Variants in TNIK observed in about 807,000 individuals in gnomAD.
TNIK encodes the protein TRAF2 and NCK-interacting protein kinase.
Under a neutral mutation model 191.3 loss-of-function variants are expected in TNIK, and 49 were observed. The ratio of observed to expected loss-of-function variants is 0.26; its 90% CI spans 0.20 to 0.32. The LOEUF (loss-of-function observed/expected upper bound fraction) is 0.32. TNIK is among the 10% of genes least tolerant of loss of function. The probability of loss-of-function intolerance (pLI) is 1.00; values close to 1 mark genes in which losing one functional copy is unlikely to be tolerated. For synonymous variants in TNIK, 594 were observed against 600.9 expected (o/e 0.99, Z 0.17); for missense variants, 1,155 against 1,702.3 (o/e 0.68, Z 5.66).
intron 5 of TNIK, among the ~76,000 whole-genome samples, chr3:171,192,832 G>T (rs760398456): frequency 6.6e-6 from 1 of 152,202 alleles, no homozygotes; most frequent in African/African-American, 2.4e-5. Context: ...GAAATCAGCA[G>T]CCAGGCCTCC....
At chr3:171,261,537 T>TGATG (rs377426086) in intron 2 of TNIK, among the ~76,000 whole-genome samples, 8 of 37,324 alleles carry the variant, frequency 2.1e-4, no homozygotes, top group African/African-American at 1.7e-3. Flanking sequence ...GATGGATGGA[T>TGATG]GATGGATGGA....
intron 2 of TNIK, among the ~76,000 whole-genome samples, chr3:171,346,565 T>C (rs369058971): frequency 2.3e-4 from 35 of 152,084 alleles, no homozygotes; most frequent in Admixed American, 1.2e-3. Context: ...GTCTGATAAA[T>C]ATATTATTCA....
chr3:171,326,394 A>T (rs1444558039), intron 2 of TNIK, among the ~76,000 whole-genome samples: 1 of 152,134 alleles, frequency 6.6e-6, no homozygotes, highest in Non-Finnish European at 1.5e-5. Context: ...ACCTAAAACG[A>T]CAGAAGCGTA....
At chr3:171,365,197 T>TTTTTTTTC (rs1224095923) in intron 2 of TNIK, among the ~76,000 whole-genome samples, 2 of 107,850 alleles carry the variant, frequency 1.9e-5, no homozygotes, top group South Asian at 7.2e-4. Context: ...TTTTTTTTTT[T>TTTTTTTTC]TTGAGACAGA....
At chr3:171,116,732 T>A (rs1726761040) in intron 18 of TNIK, among the ~76,000 whole-genome samples, 1 of 149,758 alleles carries the variant, frequency 6.7e-6, no homozygotes, top group African/African-American at 2.5e-5. Context: ...TTATTCAGAA[T>A]GTAATTGTTT....
At chr3:171,117,246 A>G (rs1726874523) in intron 18 of TNIK, among the ~76,000 whole-genome samples, 1 of 152,192 alleles carries the variant, frequency 6.6e-6, no homozygotes, top group Non-Finnish European at 1.5e-5. Context: ...TCAGTCAAGA[A>G]ATCAAGGGCT....
intron 6 of TNIK, 41 bp downstream of exon 6, chr3:171,190,656 C>G (rs1322323277): frequency 3.4e-6 from 5 of 1,462,538 alleles, no homozygotes; most frequent in Non-Finnish European, 4.7e-6. Context: ...ATAATCTCAT[C>G]ACTTCCTGCA....
intron 12 of TNIK, among the ~76,000 whole-genome samples, chr3:171,153,007 G>A (rs1045549310): frequency 6.6e-6 from 1 of 151,996 alleles, no homozygotes; most frequent in African/African-American, 2.4e-5. Context: ...TCCTGATCTC[G>A]TGATCCACCT....
intron 10 of TNIK, among the ~76,000 whole-genome samples, chr3:171,161,920 A>C (rs922376952): frequency 3.3e-5 from 5 of 152,134 alleles, no homozygotes; most frequent in African/African-American, 9.7e-5. Context: ...GCCCTGTCTC[A>C]AAATAATAAT....
intron 1 of TNIK, among the ~76,000 whole-genome samples, chr3:171,399,197 T>A (rs573901072): frequency 2.0e-5 from 3 of 152,342 alleles, no homozygotes; most frequent in African/African-American, 7.2e-5. Context: ...TTCTGAAGCA[T>A]ATGTGCTCAA....
At chr3:171,393,331 G>A (rs1396672040) in intron 1 of TNIK, among the ~76,000 whole-genome samples, 1 of 152,128 alleles carries the variant, frequency 6.6e-6, no homozygotes, top group Admixed American at 6.6e-5. Flanking sequence ...GCAAATATAG[G>A]GGGAAAACAG....
In TNIK at chr3:171,449,760, C is replaced by T. The variant is rs539271804; in HGVS notation, c.57+10247G>A. On this transcript the variant is annotated intron_variant, in intron 1 of 32. Transcript: ENST00000436636. Reference sequence around the variant, plus strand: ...TGACCATTGCTTTTACAATGAGAACCAGAAAAGCCTTTTAAAAATTAAACA... The same window carrying T: ...TGACCATTGCTTTTACAATGAGAACTAGAAAAGCCTTTTAAAAATTAAACA... 9.7e-3 allele frequency among the ~76,000 whole-genome samples: 1,474 copies of T among 151,516 alleles called. 24 individuals carry two copies. The highest frequency in any genetic ancestry group is 0.034 in the African/African-American group (1,383 of 41,252).
intron 18 of TNIK, 122 bp downstream of exon 18, chr3:171,123,474 G>T: frequency 1.4e-6 from 1 of 696,480 alleles, no homozygotes; most frequent in Non-Finnish European, 2.3e-6. Flanking sequence ...AACGTTTATA[G>T]TGCACATGGA....
rs185019832 is a variant in TNIK, at chr3:171,331,328, C to T, written c.123+38292G>A. 2.5e-4 allele frequency among the ~76,000 whole-genome samples: 38 copies of T among 152,282 alleles called. No homozygotes were observed. The East Asian group carries it at 6.6e-3, about 26-fold the overall frequency. On this transcript the variant is annotated intron_variant, in intron 2 of 32. Coordinates refer to ENST00000436636, the MANE Select transcript of TNIK (RefSeq NM_015028.4). ...TATGGCAAAGAGAGCCCTGTAAATA[C>T]CAGTTGCTGTCATTTCTTAATATTT...
At chr3:171,185,178 C>CGTGTGT (rs148499254) in intron 7 of TNIK, among the ~76,000 whole-genome samples, 1,915 of 145,952 alleles carry the variant, frequency 0.013, 28 homozygotes, top group Middle Eastern at 0.042. Flanking sequence ...ATAGATTTCC[C>CGTGTGT]GTGTGTGTGT....
intron 2 of TNIK, among the ~76,000 whole-genome samples, chr3:171,356,002 T>C (rs1485620065): frequency 6.6e-6 from 1 of 152,114 alleles, no homozygotes; most frequent in Non-Finnish European, 1.5e-5. Context: ...GCCTTCCCCC[T>C]GCTTGGAATA....
rs770299022 is a variant in TNIK at position 171,093,814 on chromosome 3, C to T, written c.2721+25G>A. The T allele has an allele frequency of 5.0e-6, 8 of 1,611,960 alleles. No homozygotes were observed. In the African/African-American group the frequency reaches 5.3e-5, roughly 11 times the overall value. On this transcript the variant is annotated intron_variant, in intron 23 of 32. Transcript: ENST00000436636. ...AACCACTGAAGAAATGGCATTTCCT[C>T]TACACAGTTTTTATACCAACTTACC...
intron 18 of TNIK, among the ~76,000 whole-genome samples, chr3:171,122,874 G>T (rs1001331590): frequency 2.6e-5 from 4 of 152,152 alleles, no homozygotes; most frequent in Non-Finnish European, 5.9e-5. Flanking sequence ...AACAGCATCT[G>T]TTACCACAAA....
At chr3:171,156,763 C>T (rs1413485426) in intron 12 of TNIK, among the ~76,000 whole-genome samples, 1 of 152,182 alleles carries the variant, frequency 6.6e-6, no homozygotes, top group Non-Finnish European at 1.5e-5. Context: ...CAGGTCTTGC[C>T]CACAGGCTGG....
Sources: allele counts gnomAD v4.1 joint callset (sites outside exome capture counted in the v4.1 genomes callset), GRCh38; gene constraint gnomAD v4.1.1; transcripts MANE v1.5; gene names NCBI Gene and HGNC (gene_info 2026-07-23, HGNC 2026-07-21).